The following NXN variants were observed in gnomAD, a reference collection of about 807,000 sequenced individuals.
NXN encodes nucleoredoxin 1.
A neutral mutation model predicts 48.6 loss-of-function variants in NXN; 16 were observed. The observed-to-expected ratio is 0.33, with a 90% CI of 0.22 to 0.50. The LOEUF is 0.50. Among genes scored for constraint, NXN ranks in the 20% least tolerant of loss-of-function variants. The pLI is 0.98. For synonymous variants in NXN, 281 were observed against 269.6 expected (o/e 1.04, Z -0.41); for missense variants, 492 against 605.5 (o/e 0.81, Z 1.97).
At chr17:926,367 T>C (rs2068799162) in intron 1 of NXN, among the ~76,000 whole-genome samples, 1 of 151,926 alleles carries the variant, frequency 6.6e-6, no homozygotes, top group East Asian at 1.9e-4. Context: ...TTTTATTTTT[T>C]ATAAAGACAG....
intron 1 of NXN, among the ~76,000 whole-genome samples, chr17:871,460 AGC>A (rs2068153881): frequency 7.5e-6 from 1 of 133,102 alleles, no homozygotes; most frequent in Non-Finnish European, 1.5e-5. Context: ...GCTGGAGTGC[AGC>A]AGCACGATCT....
At chr17:938,690 CAAAACAA>C (rs1018203080) in intron 1 of NXN, among the ~76,000 whole-genome samples, 6 of 149,998 alleles carry the variant, frequency 4.0e-5, no homozygotes, top group African/African-American at 7.4e-5. Flanking sequence ...TCTCAAAAAA[CAAAACAA>C]AAAACAAAAA....
intron 1 of NXN, among the ~76,000 whole-genome samples, chr17:913,186 G>T (rs916126269): frequency 1.3e-5 from 2 of 152,106 alleles, no homozygotes; most frequent in Non-Finnish European, 1.5e-5. Context: ...CTTATTAGGA[G>T]AAGTAAAATT....
intron 1 of NXN, among the ~76,000 whole-genome samples, chr17:841,560 C>CT (rs1914273135): frequency 7.4e-6 from 1 of 135,966 alleles, no homozygotes; most frequent in African/African-American, 2.7e-5. Flanking sequence ...CGAGCAGGTC[C>CT]CCCCTGACCA....
At chr17:864,464 C>T (rs948785679) in intron 1 of NXN, among the ~76,000 whole-genome samples, 4 of 152,182 alleles carry the variant, frequency 2.6e-5, no homozygotes, top group African/African-American at 9.7e-5. Context: ...GGGCGGATTG[C>T]ATGGAAAGAA....
intron 1 of NXN, among the ~76,000 whole-genome samples, chr17:846,612 T>C (rs1219337081): frequency 6.6e-6 from 1 of 152,158 alleles, no homozygotes; most frequent in Non-Finnish European, 1.5e-5. Context: ...GTACCCTTTT[T>C]TTATTGGCCG....
At chr17:961,394 A>AG (rs2069235638) in intron 1 of NXN, among the ~76,000 whole-genome samples, 2 of 151,972 alleles carry the variant, frequency 1.3e-5, no homozygotes, top group African/African-American at 4.8e-5. Context: ...CAAGAAAAAA[A>AG]AAAAAGAAAA....
At chr17:810,844 T>C (rs2474687) in intron 5 of NXN, among the ~76,000 whole-genome samples, 2 of 151,576 alleles carry the variant, frequency 1.3e-5, no homozygotes, top group East Asian at 3.9e-4. Flanking sequence ...AGCGGAGATC[T>C]TGCCACTGCA....
intron 1 of NXN, among the ~76,000 whole-genome samples, chr17:893,206 A>C (rs2068441776): frequency 6.6e-6 from 1 of 152,242 alleles, no homozygotes; most frequent in Non-Finnish European, 1.5e-5. Flanking sequence ...CAATCAGTGC[A>C]GTTGTATCAG....
Position 945,200 on chromosome 17 carries a change from G to T in NXN, c.360+34119C>A, listed in dbSNP as rs545472122. Among the ~76,000 whole-genome samples, 7 of 151,970 alleles carry T rather than the reference G, an allele frequency of 4.6e-5. No individual in the cohort carries two copies. The South Asian group carries it at 1.5e-3, about 32-fold the overall frequency. On this transcript the variant is annotated intron_variant, in intron 1 of 7. Coordinates refer to ENST00000336868, the MANE Select transcript of NXN (RefSeq NM_022463.5). The stretch of plus-strand genomic sequence containing the variant: ...GGGTTCAAGCAATTCTCCTGCCTCA[G>T]CCTCCCGAGTAGCTGGGACTACAGG...
chr17:886,533 T>C (rs2068349839), intron 1 of NXN, among the ~76,000 whole-genome samples: 1 of 152,112 alleles, frequency 6.6e-6, no homozygotes, highest in Non-Finnish European at 1.5e-5. Context: ...TCCCAGCACT[T>C]TGGAAGGCCA....
chr17:862,734 C>T lies in NXN; in HGVS notation c.361-36656G>A, dbSNP rs1234226292. The stretch of plus-strand genomic sequence containing the variant: ...ACCAAATGTTTAACCTCAGCATCAT[C>T]AATAACAGGACGGAACTATGATGTG... On this transcript the variant is annotated intron_variant, in intron 1 of 7. Coordinates refer to ENST00000336868, the MANE Select transcript of NXN (RefSeq NM_022463.5). 3.3e-5 allele frequency among the ~76,000 whole-genome samples: 5 copies of T among 152,316 alleles called. No homozygotes were observed. In the East Asian group the frequency reaches 9.6e-4, roughly 29 times the overall value.
intron 1 of NXN, chr17:896,980 G>C: frequency 7.7e-6 from 9 of 1,174,358 alleles, no homozygotes; most frequent in Non-Finnish European, 9.6e-6. Context: ...CCTCTCCTAG[G>C]AAAGTCCCCG....
intron 1 of NXN, among the ~76,000 whole-genome samples, chr17:973,634 T>C (rs759968297): frequency 1.3e-5 from 2 of 152,150 alleles, no homozygotes; most frequent in Non-Finnish European, 2.9e-5. Context: ...TTCATTCTTC[T>C]AGGTCTTTCT....
chr17:846,720 G>A (rs2067866460), intron 1 of NXN, among the ~76,000 whole-genome samples: 1 of 152,032 alleles, frequency 6.6e-6, no homozygotes. Context: ...AGGGAAAGGG[G>A]AAGGGGTGTC....
chr17:950,136 T>C (rs1445764347), intron 1 of NXN, among the ~76,000 whole-genome samples: 1 of 152,140 alleles, frequency 6.6e-6, no homozygotes, highest in Non-Finnish European at 1.5e-5. Context: ...TACACATCCA[T>C]GGGTCACAGC....
At chr17:868,481 G>GT (rs757448170) in intron 1 of NXN, among the ~76,000 whole-genome samples, 1 of 151,684 alleles carries the variant, frequency 6.6e-6, no homozygotes. Context: ...TTTTTTTTTG[G>GT]TTTTTTGTTT....
At chr17:804,407 C>T (rs1911377267) in intron 6 of NXN, among the ~76,000 whole-genome samples, 1 of 151,854 alleles carries the variant, frequency 6.6e-6, no homozygotes, top group African/African-American at 2.4e-5. Flanking sequence ...CTCAGCCTCC[C>T]GAGTAGCTGG....
chr17:816,327 A>G (rs530140277), intron 5 of NXN, among the ~76,000 whole-genome samples: 98 of 140,540 alleles, frequency 7.0e-4, no homozygotes, highest in Non-Finnish European at 1.3e-3. Flanking sequence ...ACAGCCCCCC[A>G]GACCTTCACT....
Sources: allele counts gnomAD v4.1 joint callset (sites outside exome capture counted in the v4.1 genomes callset), GRCh38; gene constraint gnomAD v4.1.1; transcripts MANE v1.5; gene names NCBI Gene and HGNC (gene_info 2026-07-23, HGNC 2026-07-21).